PSKH2: variants seen among roughly 807,000 people sequenced by gnomAD.
The protein encoded by PSKH2 is protein serine kinase H2.
A neutral mutation model predicts 22.5 loss-of-function variants in PSKH2; 16 were observed. The observed-to-expected ratio is 0.71, with a 90% confidence interval of 0.48 to 1.08. The LOEUF (loss-of-function observed/expected upper bound fraction) is 1.08, where lower values mean the gene tolerates loss of function less well. Ranked by LOEUF, PSKH2 falls within the 50% of genes least tolerant of loss-of-function variation. The pLI is 0.00. For synonymous variants in PSKH2, 188 were observed against 184.8 expected, an observed-to-expected ratio of 1.02 and a Z score of -0.14; for missense variants, 516 against 492.8, an observed-to-expected ratio of 1.05 and a Z score of -0.44.
intron 2 of PSKH2, among the ~76,000 whole-genome samples, chr8:86,049,927 TG>T (rs1817607790): frequency 6.6e-6 from 1 of 151,968 alleles, no homozygotes; most frequent in Non-Finnish European, 1.5e-5. Flanking sequence ...TCAAACACAC[TG>T]GGCCCTCACT....
At chr8:86,059,927 T>C (rs61071797) in intron 2 of PSKH2, among the ~76,000 whole-genome samples, 2,861 of 152,336 alleles carry the variant, frequency 0.019, 89 homozygotes, top group African/African-American at 0.065. Flanking sequence ...GATTTGCATC[T>C]GTAGAGGAAA....
intron 2 of PSKH2, among the ~76,000 whole-genome samples, chr8:86,055,230 T>C (rs919941701): frequency 6.6e-6 from 1 of 152,170 alleles, no homozygotes; most frequent in African/African-American, 2.4e-5. Context: ...ATTCCACTGA[T>C]GATATCAAGG....
intron 2 of PSKH2, among the ~76,000 whole-genome samples, chr8:86,049,751 GAAAGAAA>G (rs1563538784): frequency 0.075 from 191 of 2,558 alleles, 11 homozygotes; most frequent in African/African-American, 0.21. Flanking sequence ...AGAAAGAAAC[GAAAGAAA>G]GAAAGAAAGA....
intron 1 of PSKH2, 34 bp downstream of exon 1, chr8:86,069,404 C>A: frequency 6.6e-7 from 1 of 1,516,978 alleles, no homozygotes; most frequent in South Asian, 1.3e-5. Context: ...TTTGTCAGCC[C>A]AGTCCCAGGC....
At chr8:86,057,550 C>A (rs1441108993) in intron 2 of PSKH2, among the ~76,000 whole-genome samples, 1 of 151,890 alleles carries the variant, frequency 6.6e-6, no homozygotes, top group African/African-American at 2.4e-5. Flanking sequence ...CCACACCCAG[C>A]TAATTTTTGT....
intron 2 of PSKH2, 105 bp from the exon 3 acceptor site, chr8:86,048,872 C>T (rs1817571117): frequency 4.9e-6 from 5 of 1,025,148 alleles, no homozygotes; most frequent in Non-Finnish European, 5.5e-6. Context: ...CAATCGAATC[C>T]AAAAAACTTT....
At chr8:86,058,318 G>C (rs1355092231) in intron 2 of PSKH2, among the ~76,000 whole-genome samples, 1 of 152,204 alleles carries the variant, frequency 6.6e-6, no homozygotes, top group Non-Finnish European at 1.5e-5. Flanking sequence ...AGTGAATACA[G>C]TAGATGTAGC....
At chr8:86,068,513 G>T (rs1421717845) in intron 1 of PSKH2, among the ~76,000 whole-genome samples, 1 of 152,156 alleles carries the variant, frequency 6.6e-6, no homozygotes, top group Non-Finnish European at 1.5e-5. Flanking sequence ...CATGCACTGT[G>T]CAGCATAATT....
At chr8:86,062,196 A>C (rs995521775) in intron 2 of PSKH2, among the ~76,000 whole-genome samples, 1 of 152,174 alleles carries the variant, frequency 6.6e-6, no homozygotes, top group African/African-American at 2.4e-5. Context: ...TTCCAATGTC[A>C]TTACAATTTT....
intron 1 of PSKH2, among the ~76,000 whole-genome samples, chr8:86,068,635 A>G (rs79393815): frequency 0.016 from 2,512 of 152,316 alleles, 66 homozygotes; most frequent in African/African-American, 0.057. Flanking sequence ...TACATGGTAC[A>G]TGATAGAAGA....
At chr8:86,059,567 C>G (rs1817749061) in intron 2 of PSKH2, among the ~76,000 whole-genome samples, 1 of 152,150 alleles carries the variant, frequency 6.6e-6, no homozygotes, top group South Asian at 2.1e-4. Context: ...ATAGTCATAT[C>G]TCTTCTCTCT....
intron 1 of PSKH2, among the ~76,000 whole-genome samples, chr8:86,066,982 G>A (rs1327486641): frequency 6.6e-6 from 1 of 152,114 alleles, no homozygotes; most frequent in African/African-American, 2.4e-5. Context: ...CTCTATTGTG[G>A]ATGAAAGCAC....
intron 1 of PSKH2, among the ~76,000 whole-genome samples, chr8:86,066,113 T>A (rs1229306963): frequency 6.6e-6 from 1 of 152,274 alleles, no homozygotes; most frequent in South Asian, 2.1e-4. Flanking sequence ...TTAACCCAAC[T>A]TCTTGTTTTA....
rs1229983405 is a variant in PSKH2 at position 86,049,384 on chromosome 8, C to G, written c.853-617G>C. ...GACCAGCCTGGACAACACAGCAAAA[C>G]CCCATCTCTACAAAAAATGTAAAAA... is the stretch of plus-strand genomic sequence containing the variant. On this transcript the variant is annotated intron_variant, in intron 2 of 2. Transcript: ENST00000276616. Among the ~76,000 whole-genome samples, 6 of 151,946 alleles carry G rather than the reference C, an allele frequency of 3.9e-5. No individual in the cohort carries two copies. The East Asian group carries it at 1.2e-3, about 29-fold the overall frequency.
At position 86,064,527 on chromosome 8, in the gene PSKH2, C is replaced by G; in HGVS notation, c.290G>C (p.Arg97Thr). The change falls in exon 2 of 3, where the codon AGA becomes ACA. Residue 97 changes from arginine to threonine, a missense_variant. Physicochemically the swap from Arg to Thr is moderately conservative, Grantham distance 71 (BLOSUM62 -1). Transcript: ENST00000276616. ...KPFAIKVMET[R>T]EREGREACVS... ...GCACGCTTCTCTACCTTCCCTCTCT[C>G]TGGTTTCCATCACTTTTATTGCAAA... 6.2e-7 allele frequency: 1 copy of G among 1,614,084 alleles called. No homozygotes were observed. The highest frequency in any genetic ancestry group is 8.5e-7 in the Non-Finnish European group (1 of 1,180,024).
At chr8:86,065,701 G>T (rs540859040) in intron 1 of PSKH2, among the ~76,000 whole-genome samples, 1 of 152,230 alleles carries the variant, frequency 6.6e-6, no homozygotes, top group South Asian at 2.1e-4. Flanking sequence ...GGCCAGGCAC[G>T]GTGGGCTCAT....
intron 2 of PSKH2, among the ~76,000 whole-genome samples, chr8:86,063,135 G>A (rs993512496): frequency 6.6e-6 from 1 of 152,102 alleles, no homozygotes; most frequent in Non-Finnish European, 1.5e-5. Flanking sequence ...GTACCATAAG[G>A]CACTAAAGGT....
intron 2 of PSKH2, among the ~76,000 whole-genome samples, chr8:86,050,327 CT>C (rs1455868574): frequency 6.6e-6 from 1 of 152,112 alleles, no homozygotes; most frequent in East Asian, 1.9e-4. Flanking sequence ...AAATAATTAC[CT>C]CTTGAAGCCA....
chr8:86,055,723 T>G (rs1817690052), intron 2 of PSKH2, among the ~76,000 whole-genome samples: 1 of 152,124 alleles, frequency 6.6e-6, no homozygotes, highest in South Asian at 2.1e-4. Flanking sequence ...TTTTCTTTCC[T>G]TTTTTCCTAC....
Sources: allele counts gnomAD v4.1 joint callset (sites outside exome capture counted in the v4.1 genomes callset), GRCh38; gene constraint gnomAD v4.1.1; transcripts MANE v1.5; gene names NCBI Gene and HGNC (gene_info 2026-07-23, HGNC 2026-07-21).